Variants in LMTK2 observed in about 807,000 individuals in gnomAD.
LMTK2 encodes lemur tail kinase 2.
A neutral mutation model predicts 127.5 loss-of-function variants in LMTK2; 37 were observed. That is an observed-to-expected ratio of 0.29 (90% CI 0.22 to 0.38). The LOEUF (loss-of-function observed/expected upper bound fraction) is 0.38, where lower values mean the gene tolerates loss of function less well. Ranked by LOEUF, LMTK2 falls within the 10% of genes least tolerant of loss-of-function variation. The pLI, the probability that LMTK2 is intolerant of heterozygous loss-of-function variation, is 1.00. For synonymous variants in LMTK2, 819 were observed against 810.1 expected (o/e 1.01, Z -0.19); for missense variants, 1,694 against 1,920.3 (o/e 0.88, Z 2.20).
chr7:98,107,349 G>T, intron 1 of LMTK2, 69 bp downstream of exon 1: 2 of 1,026,424 alleles, frequency 1.9e-6, no homozygotes, highest in Non-Finnish European at 2.5e-6. Context: ...CGGCAGGGCC[G>T]GGCCGGCCTC....
chr7:98,139,982 A>C (rs1043251424), intron 2 of LMTK2, among the ~76,000 whole-genome samples: 2 of 152,040 alleles, frequency 1.3e-5, no homozygotes, highest in Non-Finnish European at 2.9e-5. Flanking sequence ...GTCTATGGTA[A>C]ATTAACATGG....
At chr7:98,167,421 C>T (rs183367388) in intron 6 of LMTK2, among the ~76,000 whole-genome samples, 4 of 152,200 alleles carry the variant, frequency 2.6e-5, no homozygotes, top group Admixed American at 1.3e-4. Flanking sequence ...GCTGCTCAGG[C>T]GAATGGATGC....
At chr7:98,172,620 A>G (rs1797211078) in intron 7 of LMTK2, among the ~76,000 whole-genome samples, 1 of 152,184 alleles carries the variant, frequency 6.6e-6, no homozygotes. Context: ...ATTATTTCTT[A>G]GGTCTCCAGG....
At chr7:98,113,636 T>C (rs373383898) in intron 1 of LMTK2, among the ~76,000 whole-genome samples, 3 of 152,204 alleles carry the variant, frequency 2.0e-5, no homozygotes, top group African/African-American at 7.2e-5. Flanking sequence ...TTGTATTTAC[T>C]AAAATGAGGG....
chr7:98,127,664 A>G (rs375289443), intron 1 of LMTK2, among the ~76,000 whole-genome samples: 21 of 152,344 alleles, frequency 1.4e-4, no homozygotes, highest in East Asian at 9.6e-4. Context: ...CAATTAATGC[A>G]TGGACCAAGT....
intron 2 of LMTK2, among the ~76,000 whole-genome samples, chr7:98,140,866 A>G (rs904257706): frequency 9.4e-5 from 14 of 149,286 alleles, no homozygotes; most frequent in Admixed American, 5.3e-4. Flanking sequence ...TGGGCAACAT[A>G]GGGAGACTCT....
intron 4 of LMTK2, among the ~76,000 whole-genome samples, chr7:98,153,648 G>A (rs558891598): frequency 6.6e-6 from 1 of 152,296 alleles, no homozygotes; most frequent in South Asian, 2.1e-4. Context: ...CAGGTGGGAA[G>A]GATCACTTGA....
At chr7:98,165,425 G>A (rs1042106505) in intron 6 of LMTK2, among the ~76,000 whole-genome samples, 1 of 152,196 alleles carries the variant, frequency 6.6e-6, no homozygotes, top group Non-Finnish European at 1.5e-5. Context: ...AGGGTGCAGA[G>A]TTACCAGTGC....
intron 1 of LMTK2, among the ~76,000 whole-genome samples, chr7:98,124,802 T>C (rs1188610171): frequency 1.3e-5 from 2 of 151,572 alleles, no homozygotes; most frequent in Non-Finnish European, 2.9e-5. Context: ...AAAATAATAA[T>C]AACATAAAAT....
At chr7:98,175,950 C>T (rs139569952) in intron 7 of LMTK2, among the ~76,000 whole-genome samples, 155 of 152,246 alleles carry the variant, frequency 1.0e-3, no homozygotes, top group African/African-American at 3.6e-3. Context: ...ATAAAGAAGA[C>T]GGAAATTTCT....
intron 1 of LMTK2, among the ~76,000 whole-genome samples, chr7:98,121,839 A>G (rs1278314459): frequency 6.6e-6 from 1 of 152,000 alleles, no homozygotes; most frequent in East Asian, 1.9e-4. Flanking sequence ...CGACGCTACA[A>G]AAATTTTTTA....
intron 9 of LMTK2, among the ~76,000 whole-genome samples, chr7:98,187,839 C>T (rs1226483409): frequency 1.3e-5 from 2 of 152,048 alleles, no homozygotes; most frequent in Non-Finnish European, 2.9e-5. Flanking sequence ...TCAAGTGATC[C>T]GCCTGCCTCG....
At chr7:98,204,887 C>CCCT (rs1797766104) in intron 13 of LMTK2, among the ~76,000 whole-genome samples, 3 of 152,194 alleles carry the variant, frequency 2.0e-5, no homozygotes. Context: ...AGCACTTGAC[C>CCCT]CCTGGACTTG....
At chr7:98,145,783 CT>C (rs1345089398) in intron 3 of LMTK2, among the ~76,000 whole-genome samples, 1 of 152,122 alleles carries the variant, frequency 6.6e-6, no homozygotes, top group African/African-American at 2.4e-5. Flanking sequence ...TAATAGTGTC[CT>C]TTGACGCATA....
intron 8 of LMTK2, among the ~76,000 whole-genome samples, chr7:98,186,264 T>C (rs1385352033): frequency 6.6e-6 from 1 of 152,180 alleles, no homozygotes; most frequent in East Asian, 1.9e-4. Context: ...GGTTTCACCC[T>C]GTTGGCCAGG....
Position 98,137,377 on chromosome 7 carries a change from A to G in LMTK2, c.166A>G (p.Ile56Val). The change falls in exon 2 of 14, where the codon ATA becomes GTA. Residue 56 changes from isoleucine (I) to valine (V), a missense_variant. Ile to Val is a conservative substitution (Grantham distance 29). Coordinates refer to ENST00000297293, the MANE Select transcript of LMTK2 (RefSeq NM_014916.4). Reference protein sequence around the residue: ...SFVILCVCSLIILIVLIANCV... With the variant: ...SFVILCVCSLVILIVLIANCV... ...TGTGATCCTGTGTGTGTGCAGTTTAATAATATTAATAGTGTTAATTGCAAA... is the reference window on the plus strand; with the variant it reads ...TGTGATCCTGTGTGTGTGCAGTTTAGTAATATTAATAGTGTTAATTGCAAA... 1 of 1,613,838 alleles carries G rather than the reference A, an allele frequency of 6.2e-7. No individual in the cohort carries two copies.
chr7:98,168,066 A>C (rs1039152061), intron 6 of LMTK2, among the ~76,000 whole-genome samples: 2 of 152,112 alleles, frequency 1.3e-5, no homozygotes, highest in Non-Finnish European at 2.9e-5. Flanking sequence ...TGAATGGTGG[A>C]TGCAAGTGCT....
At chr7:98,151,293 A>G (rs763155974) in intron 3 of LMTK2, 89 bp from the exon 4 acceptor site, 5 of 803,398 alleles carry the variant, frequency 6.2e-6, no homozygotes, top group Admixed American at 3.0e-5. Flanking sequence ...TTATTTGCAC[A>G]AGCCTTTATG....
At chr7:98,154,964 G>A (rs1186386305) in intron 5 of LMTK2, 88 bp downstream of exon 5, 3 of 753,502 alleles carry the variant, frequency 4.0e-6, no homozygotes, top group Admixed American at 4.2e-5. Context: ...ATTTCTGCCT[G>A]TAACATACAT....
Sources: gnomAD v4.1 joint callset for allele counts (sites outside exome capture counted in the v4.1 genomes callset) on GRCh38, gnomAD v4.1.1 for gene constraint, MANE v1.5 for transcripts, NCBI Gene and HGNC (gene_info 2026-07-23, HGNC 2026-07-21) for gene names.